Variants in TNPO1 observed in about 807,000 individuals in gnomAD.
TNPO1 encodes the protein transportin 1, also known as transportin-1.
Under a neutral mutation model 119.5 loss-of-function variants are expected in TNPO1, and 8 were observed. The observed-to-expected ratio is 0.07, with a 90% CI of 0.04 to 0.12. TNPO1 has a LOEUF of 0.12. Among genes scored for constraint, TNPO1 ranks in the 10% least tolerant of loss-of-function variants. The pLI is 1.00. For missense variants in TNPO1, 576 were observed against 1,089.8 expected (o/e 0.53, Z 6.64); for synonymous variants, 362 against 363.0 (o/e 1.00, Z 0.03).
At chr5:72,867,779 C>T (rs946805378) in intron 6 of TNPO1, among the ~76,000 whole-genome samples, 1 of 152,210 alleles carries the variant, frequency 6.6e-6, no homozygotes, top group African/African-American at 2.4e-5. Flanking sequence ...TGAATGTAGA[C>T]ATAGGCAACT....
chr5:72,890,007 C>T (rs747615560), intron 14 of TNPO1, 50 bp downstream of exon 14: 1 of 1,567,242 alleles, frequency 6.4e-7, no homozygotes, highest in East Asian at 2.3e-5. Context: ...AGCATAGTTA[C>T]AATTAATAGA....
At position 72,816,668 on chromosome 5, in the gene TNPO1, A is replaced by C; in HGVS notation, c.-70A>C. 6.7e-7 allele frequency: 1 copy of C among 1,483,908 alleles called. No individual in the cohort carries two copies. The highest frequency in any genetic ancestry group is 2.7e-5 in the East Asian group (1 of 37,266). 91.9% of individuals were successfully genotyped at this position (1,483,908 alleles called of 1,614,324 possible). A position where few individuals can be genotyped will look rare whatever the true frequency, so the allele number is the denominator to read the frequency against. ...GAAGCCCAGATTCTCTTTGTTCCGC[A>C]GCCATTTCAGGCCCCGGACAGGAGG... is the stretch of plus-strand genomic sequence containing the variant. On this transcript the variant is annotated 5_prime_UTR_variant, in exon 1 of 25. Transcript: ENST00000337273.
intron 4 of TNPO1, among the ~76,000 whole-genome samples, chr5:72,860,683 G>C (rs1746374677): frequency 6.6e-6 from 1 of 152,210 alleles, no homozygotes; most frequent in Admixed American, 6.5e-5. Context: ...ATGAGGGAGA[G>C]TGTTGTAAGC....
chr5:72,882,584 C>T, intron 10 of TNPO1, 57 bp downstream of exon 10: 1 of 1,300,008 alleles, frequency 7.7e-7, no homozygotes, highest in Middle Eastern at 1.9e-4. Context: ...CTTAGTACAT[C>T]TTTGGATTTG....
At chr5:72,905,171 A>G (rs1453637926) in intron 23 of TNPO1, 132 bp from the exon 24 acceptor site, 5 of 663,282 alleles carry the variant, frequency 7.5e-6, no homozygotes, top group African/African-American at 7.3e-5. Context: ...GTAGAATCCT[A>G]CGAAGTTTGA....
chr5:72,830,747 T>C (rs1744420609), intron 1 of TNPO1, among the ~76,000 whole-genome samples: 1 of 152,198 alleles, frequency 6.6e-6, no homozygotes, highest in Admixed American at 6.5e-5. Context: ...TTCATGTGAC[T>C]CAAGACAAAG....
At chr5:72,859,215 C>T (rs774860033) in intron 4 of TNPO1, among the ~76,000 whole-genome samples, 8 of 152,166 alleles carry the variant, frequency 5.3e-5, no homozygotes, top group Non-Finnish European at 1.0e-4. Context: ...AGTTTTCCAA[C>T]CTCAGCACTT....
chr5:72,881,953 A>T (rs1239358653), intron 9 of TNPO1, among the ~76,000 whole-genome samples: 1 of 152,046 alleles, frequency 6.6e-6, no homozygotes, highest in Non-Finnish European at 1.5e-5. Flanking sequence ...TTTGAGTGGG[A>T]CTTACTGTCT....
intron 23 of TNPO1, among the ~76,000 whole-genome samples, chr5:72,904,872 C>T (rs747093685): frequency 6.6e-6 from 1 of 152,152 alleles, no homozygotes. Flanking sequence ...ACTCACAGTT[C>T]CATGTGGTTG....
At position 72,913,489 on chromosome 5, in the gene TNPO1, G is replaced by A. The variant is rs1440842383; in HGVS notation, c.*4816G>A. 6.6e-6 allele frequency: 1 copy of A among 152,444 alleles called. No individual in the cohort carries two copies. The highest frequency in any genetic ancestry group is 1.5e-5 in the Non-Finnish European group (1 of 67,922). 9.4% of individuals were successfully genotyped at this position (152,444 alleles called of 1,614,324 possible). On this transcript the variant is annotated 3_prime_UTR_variant, in exon 25 of 25. Transcript: ENST00000337273. ...GAATGTATGCATGACTTTGAAAGAAGTTAAAATGGTGATTTTTTTTCACCT... is the reference window on the plus strand; with the variant it reads ...GAATGTATGCATGACTTTGAAAGAAATTAAAATGGTGATTTTTTTTCACCT...
intron 24 of TNPO1, among the ~76,000 whole-genome samples, chr5:72,908,502 T>TA (rs1750330214): frequency 6.6e-6 from 1 of 152,190 alleles, no homozygotes; most frequent in African/African-American, 2.4e-5. Context: ...TCACTTTTCA[T>TA]ACCTGATGCA....
chr5:72,904,504 T>C (rs1750000077), intron 23 of TNPO1, among the ~76,000 whole-genome samples: 1 of 152,154 alleles, frequency 6.6e-6, no homozygotes, highest in South Asian at 2.1e-4. Flanking sequence ...CTGATAAAGA[T>C]ATGCCCAAGG....
intron 1 of TNPO1, among the ~76,000 whole-genome samples, chr5:72,822,997 C>T (rs1380681868): frequency 6.9e-6 from 1 of 145,788 alleles, no homozygotes; most frequent in Non-Finnish European, 1.5e-5. Flanking sequence ...TAAACCTCTT[C>T]TCAACTTTTC....
chr5:72,826,132 C>T (rs1744196971), intron 1 of TNPO1, among the ~76,000 whole-genome samples: 1 of 152,100 alleles, frequency 6.6e-6, no homozygotes, highest in Admixed American at 6.6e-5. Flanking sequence ...GACTTACCTC[C>T]CAGTCTTTGC....
At chr5:72,906,382 C>G (rs757268718) in intron 24 of TNPO1, among the ~76,000 whole-genome samples, 3 of 130,952 alleles carry the variant, frequency 2.3e-5, no homozygotes, top group Non-Finnish European at 4.7e-5. Flanking sequence ...ATCTCCGCCT[C>G]TTGGGTTCAA....
Position 72,846,394 on chromosome 5 carries a change from AC to A in TNPO1, c.16-1990del, listed in dbSNP as rs1413997690. ...GCCATGTCATATTAATGTGTAAAAA[AC>A]GTTGTAGAGTTAGTATTAGTGTAGT... On this transcript the variant is annotated intron_variant, in intron 1 of 24. Transcript: ENST00000337273. Among the ~76,000 whole-genome samples the A allele has an allele frequency of 3.5e-4, 40 of 113,992 alleles. 1 individual carries two copies. In the Admixed American group the frequency reaches 4.3e-3, roughly 12 times the overall value. The allele number at this position is 113,992 out of a possible 152,430, so 74.8% of individuals were successfully genotyped here. A position where few individuals can be genotyped will look rare whatever the true frequency, so the allele number is the denominator to read the frequency against.
chr5:72,893,365 G>C lies in TNPO1; in HGVS notation c.1897-12G>C. ...AAACCAAACTTACAAAAAACATTGTGTCTAATTTCAGCTAAACAATGCTCA... is the reference window on the plus strand; with the variant it reads ...AAACCAAACTTACAAAAAACATTGTCTCTAATTTCAGCTAAACAATGCTCA... On this transcript the variant is annotated splice_polypyrimidine_tract_variant and intron_variant, in intron 16 of 24. Coordinates refer to ENST00000337273, the MANE Select transcript of TNPO1 (RefSeq NM_002270.4). 6.2e-7 allele frequency: 1 copy of C among 1,611,500 alleles called. No homozygotes were observed. Among genetic ancestry groups the C allele is most frequent in the Non-Finnish European group, 8.5e-7 (1 of 1,179,240 alleles).
At position 72,882,946 on chromosome 5, in the gene TNPO1, A is replaced by G. The variant is rs536018680; in HGVS notation, c.982-118A>G. On this transcript the variant is annotated intron_variant, in intron 10 of 24. Transcript: ENST00000337273. ...GGGCGTGGTTCTTAATCACTCTGGA[A>G]GTATATTTCAGAATTCTGTGCATGA... The G allele has an allele frequency of 2.5e-4, 192 of 764,734 alleles. 1 individual carries two copies. The African/African-American group carries it at 2.9e-3, about 12-fold the overall frequency. The allele number at this position is 764,734 out of a possible 1,614,324, so 47.4% of individuals were successfully genotyped here. A position where few individuals can be genotyped will look rare whatever the true frequency, so the allele number is the denominator to read the frequency against.
At chr5:72,854,931 CTTT>C (rs1297944919) in intron 3 of TNPO1, among the ~76,000 whole-genome samples, 4 of 151,984 alleles carry the variant, frequency 2.6e-5, no homozygotes, top group African/African-American at 9.7e-5. Context: ...CTTATATATT[CTTT>C]GTCCACTTAA....
Sources: allele counts gnomAD v4.1 joint callset (sites outside exome capture counted in the v4.1 genomes callset), GRCh38; gene constraint gnomAD v4.1.1; transcripts MANE v1.5; gene names NCBI Gene and HGNC (gene_info 2026-07-23, HGNC 2026-07-21).